Variants in JAK1 observed in about 807,000 individuals in gnomAD.
The protein encoded by JAK1 is tyrosine-protein kinase JAK1.
In JAK1, 16 loss-of-function variants were observed where a neutral mutation model predicts 136.6. The observed-to-expected ratio is 0.12, with a 90% CI of 0.08 to 0.18. The LOEUF (loss-of-function observed/expected upper bound fraction) is 0.18, where lower values mean the gene tolerates loss of function less well. Among genes scored for constraint, JAK1 ranks in the 10% least tolerant of loss-of-function variants. The pLI, the probability that JAK1 is intolerant of heterozygous loss-of-function variation, is 1.00. For synonymous variants in JAK1, 492 were observed against 519.5 expected (o/e 0.95, Z 0.72); for missense variants, 859 against 1,450.1 (o/e 0.59, Z 6.62).
intron 1 of JAK1, among the ~76,000 whole-genome samples, chr1:64,901,473 T>C (rs1645104234): frequency 6.6e-6 from 1 of 152,138 alleles, no homozygotes; most frequent in Non-Finnish European, 1.5e-5. Flanking sequence ...GAGAGTTGCG[T>C]AGGCCTGGAA....
chr1:64,965,800 A>T (rs1302633663), intron 1 of JAK1, among the ~76,000 whole-genome samples: 1 of 151,694 alleles, frequency 6.6e-6, no homozygotes, highest in Non-Finnish European at 1.5e-5. Flanking sequence ...GACGCCCAAC[A>T]CCCAGCTCCA....
At chr1:64,956,724 G>A (rs1569725496) in intron 1 of JAK1, among the ~76,000 whole-genome samples, 2 of 152,294 alleles carry the variant, frequency 1.3e-5, no homozygotes, top group Admixed American at 1.3e-4. Flanking sequence ...CAGTATTTGG[G>A]GGAGGTAAGG....
intron 17 of JAK1, 91 bp from the exon 18 acceptor site, chr1:64,841,692 C>G: frequency 7.9e-7 from 1 of 1,261,120 alleles, no homozygotes; most frequent in Non-Finnish European, 1.1e-6. Context: ...ATTCCTCATT[C>G]GATTCTCAAC....
chr1:64,866,307 A>G (rs1188998371), intron 7 of JAK1, among the ~76,000 whole-genome samples: 1 of 152,216 alleles, frequency 6.6e-6, no homozygotes, highest in East Asian at 1.9e-4. Context: ...ACGTGGGTCT[A>G]AAACCCATGC....
At chr1:64,985,050 A>G (rs1218273323) in intron 2 of JAK1, 3 of 865,806 alleles carry the variant, frequency 3.5e-6, no homozygotes, top group African/African-American at 3.3e-5. Context: ...ACAAACAGAC[A>G]TGAGGATGGA....
At chr1:64,913,641 G>GGAAAGAAGGAAGGA (rs1645325270) in intron 1 of JAK1, among the ~76,000 whole-genome samples, 1 of 56,836 alleles carries the variant, frequency 1.8e-5, no homozygotes, top group Non-Finnish European at 3.2e-5. Context: ...GGGAGGAAGG[G>GGAAAGAAGGAAGGA]AGGAAGGAAG....
At chr1:64,967,025 G>A (rs1646398815), upstream of JAK1, among the ~76,000 whole-genome samples, 1 of 150,484 alleles carries the variant, frequency 6.6e-6, no homozygotes, top group Non-Finnish European at 1.5e-5. Context: ...AGCTACTGCA[G>A]ATCCAACCCA....
chr1:65,003,012 G>T (rs977534289), intron 2 of JAK1, among the ~76,000 whole-genome samples: 44 of 106,418 alleles, frequency 4.1e-4, no homozygotes, highest in African/African-American at 1.3e-3. Flanking sequence ...AGACAACCTA[G>T]CTTTTTTTTT....
chr1:64,987,408 T>C (rs1176519301), intron 2 of JAK1: 1 of 152,192 alleles, frequency 6.6e-6, no homozygotes, highest in African/African-American at 2.4e-5. Flanking sequence ...AACTAGTGAC[T>C]TGGTAAAGGA....
At chr1:65,031,442 G>A (rs1480132032) in intron 2 of JAK1, among the ~76,000 whole-genome samples, 1 of 152,110 alleles carries the variant, frequency 6.6e-6, no homozygotes, top group Non-Finnish European at 1.5e-5. Context: ...TTTCAAGTAA[G>A]AGAAAGTCAA....
intron 6 of JAK1, among the ~76,000 whole-genome samples, chr1:64,868,353 G>A (rs535622244): frequency 8.9e-4 from 135 of 152,276 alleles, no homozygotes; most frequent in African/African-American, 2.5e-3. Context: ...CATCCCTGCC[G>A]CATGGAGTGG....
chr1:65,041,520 C>A (rs1569931793), intron 2 of JAK1, among the ~76,000 whole-genome samples: 1 of 151,866 alleles, frequency 6.6e-6, no homozygotes, highest in East Asian at 1.9e-4. Context: ...CTCTCTGTGT[C>A]GTCTCCTACC....
Position 64,850,795 on chromosome 1 carries a change from G to C in JAK1, c.1755+9C>G. The C allele has an allele frequency of 3.7e-6, 6 of 1,605,224 alleles. No individual in the cohort carries two copies. The highest frequency in any genetic ancestry group is 5.1e-6 in the Non-Finnish European group (6 of 1,172,012). On this transcript the variant is annotated intron_variant, in intron 12 of 24. Transcript: ENST00000342505. ...CACAGCTGGCCCACACCCTGCAGCC[G>C]TGACTCACCTGCACCAGATCCTTCT...
intron 3 of JAK1, among the ~76,000 whole-genome samples, chr1:64,881,879 GC>G (rs1644778113): frequency 6.6e-6 from 1 of 152,126 alleles, no homozygotes; most frequent in Admixed American, 6.5e-5. Flanking sequence ...ATGGCAAGAA[GC>G]TTGGCGAAGA....
upstream of JAK1, among the ~76,000 whole-genome samples, chr1:64,970,836 A>C (rs1646445708): frequency 6.6e-6 from 1 of 152,140 alleles, no homozygotes; most frequent in South Asian, 2.1e-4. Context: ...ACAAAAGAAT[A>C]CAAATATTTC....
intron 1 of JAK1, among the ~76,000 whole-genome samples, chr1:65,055,038 T>C (rs1350419029): frequency 6.6e-6 from 1 of 152,162 alleles, no homozygotes; most frequent in East Asian, 1.9e-4. Context: ...ACATAAAATT[T>C]TCCATTTTTA....
chr1:64,849,433 C>T (rs61784698), intron 12 of JAK1, among the ~76,000 whole-genome samples: 9,376 of 152,260 alleles, frequency 0.062, 508 homozygotes, highest in African/African-American at 0.15. Flanking sequence ...TAGGCTCAAG[C>T]GATCCTCCCG....
intron 2 of JAK1, chr1:64,985,981 T>A: frequency 7.9e-7 from 1 of 1,261,788 alleles, no homozygotes; most frequent in Non-Finnish European, 1.1e-6. Flanking sequence ...AATTCCCTTA[T>A]GATCATCTCA....
chr1:64,976,346 G>A (rs1219562038), intron 2 of JAK1, among the ~76,000 whole-genome samples: 1 of 152,148 alleles, frequency 6.6e-6, no homozygotes, highest in African/African-American at 2.4e-5. Context: ...ATTTTATGTA[G>A]CATCTTTTTT....
Sources: gnomAD v4.1 joint callset for allele counts (sites outside exome capture counted in the v4.1 genomes callset) on GRCh38, gnomAD v4.1.1 for gene constraint, MANE v1.5 for transcripts, NCBI Gene and HGNC (gene_info 2026-07-23, HGNC 2026-07-21) for gene names.